PCDH15: variants seen among roughly 807,000 people sequenced by gnomAD.
PCDH15 encodes protocadherin related 15, also known as protocadherin-15.
A neutral mutation model predicts 178.5 loss-of-function variants in PCDH15; 129 were observed. The observed-to-expected ratio is 0.72, with a 90% CI of 0.63 to 0.84. The LOEUF is 0.84. Among genes scored for constraint, PCDH15 ranks in the 40% least tolerant of loss-of-function variants. The pLI, the probability that PCDH15 is intolerant of heterozygous loss-of-function variation, is 0.00. For missense variants in PCDH15, 2,230 were observed against 2,099.9 expected (o/e 1.06, Z -1.21); for synonymous variants, 800 against 732.0 (o/e 1.09, Z -1.50).
chr10:54,898,990 T>C (rs1954594307), intron 2 of PCDH15, among the ~76,000 whole-genome samples: 1 of 152,206 alleles, frequency 6.6e-6, no homozygotes, highest in African/African-American at 2.4e-5. Flanking sequence ...GAACTCCATT[T>C]TTCTGCAAGA....
At chr10:54,724,897 CATATAT>C (rs932499506) in intron 1 of PCDH15, among the ~76,000 whole-genome samples, 21 of 65,742 alleles carry the variant, frequency 3.2e-4, no homozygotes, top group Non-Finnish European at 5.8e-4. Context: ...CCAAATAGTA[CATATAT>C]ATATAGATAT....
chr10:55,280,701 T>G (rs1842711326), intron 1 of PCDH15, among the ~76,000 whole-genome samples: 2 of 152,090 alleles, frequency 1.3e-5, no homozygotes, highest in African/African-American at 4.8e-5. Flanking sequence ...ACTTTCTATG[T>G]AGATAGAGTC....
At chr10:54,347,567 A>C (rs1478299071) in intron 5 of PCDH15, among the ~76,000 whole-genome samples, 1 of 152,142 alleles carries the variant, frequency 6.6e-6, no homozygotes, top group East Asian at 1.9e-4. Flanking sequence ...GCAACAAAAA[A>C]GTTGCCTTAT....
At chr10:55,199,795 C>T (rs1840193360) in intron 1 of PCDH15, among the ~76,000 whole-genome samples, 1 of 152,058 alleles carries the variant, frequency 6.6e-6, no homozygotes, top group African/African-American at 2.4e-5. Context: ...GCTGAAAGGT[C>T]CCAAGGTACA....
intron 2 of PCDH15, among the ~76,000 whole-genome samples, chr10:55,469,602 C>T (rs141000145): frequency 6.6e-6 from 1 of 151,974 alleles, no homozygotes; most frequent in African/African-American, 2.4e-5. Flanking sequence ...GGAAATTTAA[C>T]TTGTGTTCTA....
At chr10:54,125,908 G>A (rs1375624669) in intron 15 of PCDH15, among the ~76,000 whole-genome samples, 2 of 151,928 alleles carry the variant, frequency 1.3e-5, no homozygotes, top group Admixed American at 1.3e-4. Flanking sequence ...AAATAATAAA[G>A]TGGAATTTCT....
chr10:54,473,469 GTCTC>G (rs1430490476), intron 3 of PCDH15, among the ~76,000 whole-genome samples: 2 of 152,074 alleles, frequency 1.3e-5, no homozygotes, highest in African/African-American at 4.8e-5. Context: ...TTTCTCGTCT[GTCTC>G]TCTGTTTCTG....
chr10:54,470,117 C>T (rs563695199), intron 3 of PCDH15, among the ~76,000 whole-genome samples: 1 of 152,138 alleles, frequency 6.6e-6, no homozygotes, highest in Non-Finnish European at 1.5e-5. Flanking sequence ...GAGTGATCCC[C>T]AAACCCCCAA....
chr10:54,247,943 T>C (rs928563847), intron 8 of PCDH15, among the ~76,000 whole-genome samples: 1 of 146,570 alleles, frequency 6.8e-6, no homozygotes, highest in Non-Finnish European at 1.5e-5. Context: ...AGAATATATA[T>C]ATATATATAT....
chr10:54,344,396 T>C (rs1942845870), intron 6 of PCDH15, among the ~76,000 whole-genome samples: 1 of 152,216 alleles, frequency 6.6e-6, no homozygotes, highest in African/African-American at 2.4e-5. Context: ...GACAGAATTA[T>C]TGCACAGTTA....
chr10:55,572,974 T>C (rs774963970), intron 2 of PCDH15, among the ~76,000 whole-genome samples: 2 of 152,070 alleles, frequency 1.3e-5, no homozygotes, highest in Non-Finnish European at 2.9e-5. Context: ...TTGCAGTGAA[T>C]TGATTCTTAA....
chr10:55,604,985 A>T (rs1240258541), intron 2 of PCDH15, among the ~76,000 whole-genome samples: 2 of 152,214 alleles, frequency 1.3e-5, no homozygotes, highest in South Asian at 2.1e-4. Flanking sequence ...TCAACAAAAT[A>T]GATAGACCAC....
At chr10:55,280,716 A>G (rs193022690) in intron 1 of PCDH15, among the ~76,000 whole-genome samples, 1 of 152,268 alleles carries the variant, frequency 6.6e-6, no homozygotes, top group East Asian at 1.9e-4. Context: ...AGAGTCTAGT[A>G]AACCGCATTC....
intron 27 of PCDH15, among the ~76,000 whole-genome samples, chr10:53,860,591 C>T (rs1281858441): frequency 6.6e-6 from 1 of 151,788 alleles, no homozygotes; most frequent in African/African-American, 2.4e-5. Context: ...AATAGCCAGG[C>T]ATGGTGGTGC....
At chr10:53,834,374 C>T (rs1353231080) in intron 29 of PCDH15, among the ~76,000 whole-genome samples, 1 of 152,056 alleles carries the variant, frequency 6.6e-6, no homozygotes, top group East Asian at 1.9e-4. Flanking sequence ...TATATATTCT[C>T]CCTCTGGGTC....
At chr10:54,165,361 T>C (rs548122854) in intron 13 of PCDH15, among the ~76,000 whole-genome samples, 4 of 152,320 alleles carry the variant, frequency 2.6e-5, no homozygotes, top group South Asian at 4.1e-4. Context: ...TAAATACTTA[T>C]ATGAATAATT....
intron 3 of PCDH15, among the ~76,000 whole-genome samples, chr10:54,527,070 C>T (rs2083431371): frequency 1.3e-5 from 2 of 152,102 alleles, no homozygotes. Context: ...CCACAGACCA[C>T]ATTTACATAC....
chr10:54,257,400 C>CTT (rs1242208948), intron 8 of PCDH15, among the ~76,000 whole-genome samples: 5 of 68,820 alleles, frequency 7.3e-5, no homozygotes, highest in Non-Finnish European at 1.3e-4. Flanking sequence ...AGAGAATTGT[C>CTT]TTCTTTTTTT....
intron 2 of PCDH15, among the ~76,000 whole-genome samples, chr10:55,033,232 T>C (rs985356138): frequency 2.0e-5 from 3 of 152,064 alleles, no homozygotes; most frequent in Non-Finnish European, 4.4e-5. Flanking sequence ...ACATCACAGA[T>C]AGCACCCACT....
Sources: gnomAD v4.1 joint callset for allele counts (sites outside exome capture counted in the v4.1 genomes callset) on GRCh38, gnomAD v4.1.1 for gene constraint, MANE v1.5 for transcripts, NCBI Gene and HGNC (gene_info 2026-07-23, HGNC 2026-07-21) for gene names.